RD3: variants seen among roughly 807,000 people sequenced by gnomAD.
RD3 encodes protein RD3.
Under a neutral mutation model 16.9 loss-of-function variants are expected in RD3, and 11 were observed. The ratio of observed to expected loss-of-function variants is 0.65; its 90% CI spans 0.41 to 1.08. The LOEUF is 1.08. Among genes scored for constraint, RD3 ranks in the 50% least tolerant of loss-of-function variants. RD3 has a pLI of 0.00. For missense variants in RD3, 274 were observed against 267.4 expected (o/e 1.02, Z -0.17); for synonymous variants, 116 against 114.8 (o/e 1.01, Z -0.07).
chr1:211,491,486 A>G (rs1265511747), intron 1 of RD3, among the ~76,000 whole-genome samples: 1 of 152,094 alleles, frequency 6.6e-6, no homozygotes, highest in Non-Finnish European at 1.5e-5. Context: ...AGGCAAAAAC[A>G]ATGGCTTCCC....
Position 211,479,164 on chromosome 1 carries a change from T to C in RD3, c.460A>G (p.Lys154Glu). The change falls in exon 3 of 3, where the codon AAG (lysine) becomes GAG (glutamate). Residue 154 changes from lysine to glutamate, a missense_variant. By Grantham distance (56) the Lys-to-Glu change is moderately conservative. Transcript: ENST00000680073. ...AAGGGCGAGATGCGCGCGCGGGTCT[T>C]GAAGGTGGCCAGGCTGCCGCGGGGC... Reference protein sequence around the residue: ...LRPRGSLATFKTRARISPFAS... With the variant: ...LRPRGSLATFETRARISPFAS... 6.2e-7 allele frequency: 1 copy of C among 1,612,946 alleles called. No individual in the cohort carries two copies. Among genetic ancestry groups the C allele is most frequent in the Non-Finnish European group, 8.5e-7 (1 of 1,179,652 alleles).
chr1:211,480,882 C>T (rs1365229699), intron 2 of RD3, among the ~76,000 whole-genome samples: 2 of 152,230 alleles, frequency 1.3e-5, no homozygotes, highest in Non-Finnish European at 2.9e-5. Flanking sequence ...GTATTGTGTT[C>T]TCTTGAATCA....
At chr1:211,488,628 A>G (rs972178784) in intron 1 of RD3, among the ~76,000 whole-genome samples, 2 of 152,138 alleles carry the variant, frequency 1.3e-5, no homozygotes, top group African/African-American at 2.4e-5. Context: ...AAACAAGAAG[A>G]AAAGAAATGA....
chr1:211,489,112 T>C (rs1011611433), intron 1 of RD3, among the ~76,000 whole-genome samples: 4 of 152,208 alleles, frequency 2.6e-5, no homozygotes, highest in Non-Finnish European at 4.4e-5. Flanking sequence ...ATAATAAAGG[T>C]ACCTATTTCA....
chr1:211,483,495 C>T (rs759150515), intron 1 of RD3, among the ~76,000 whole-genome samples: 3 of 151,966 alleles, frequency 2.0e-5, no homozygotes, highest in Non-Finnish European at 4.4e-5. Context: ...TCATTCTCCA[C>T]GCAACCTAAG....
rs1705264418 is a variant in RD3 at position 211,481,475 on chromosome 1, CA to C, written c.-11-50del. 4 of 1,576,654 alleles carry C rather than the reference CA, an allele frequency of 2.5e-6. No homozygotes were observed. The African/African-American group carries it at 4.0e-5, about 16-fold the overall frequency. ...ATCTTTCCTGGGCCCCTCTGTTAGT[CA>C]GAGTGGGGAACCTGGGAACCCAAGG... On this transcript the variant is annotated intron_variant, in intron 1 of 2. Coordinates refer to ENST00000680073, the MANE Select transcript of RD3 (RefSeq NM_001164688.2).
intron 1 of RD3, among the ~76,000 whole-genome samples, chr1:211,487,036 G>C (rs1033139464): frequency 7.9e-5 from 12 of 152,122 alleles, no homozygotes; most frequent in African/African-American, 2.9e-4. Flanking sequence ...CTAAGATATG[G>C]CATTTGGACA....
intron 2 of RD3, 103 bp downstream of exon 2, chr1:211,481,017 T>C (rs1705245890): frequency 1.6e-6 from 2 of 1,223,354 alleles, no homozygotes; most frequent in Non-Finnish European, 2.4e-6. Context: ...AACTAGGTCA[T>C]CCAGGCTCCC....
At position 211,481,380 on chromosome 1, in the gene RD3, G is replaced by A. The variant is rs770825683; in HGVS notation, c.36C>T (p.Ala12=). The A allele has an allele frequency of 1.9e-6, 3 of 1,613,530 alleles. No individual in the cohort carries two copies. Among genetic ancestry groups the A allele is most frequent in the Non-Finnish European group, 2.5e-6 (3 of 1,180,036 alleles). Residue 12 remains alanine, a synonymous_variant, in exon 2 of 3, where the codon GCC becomes GCT. Coordinates refer to ENST00000680073, the MANE Select transcript of RD3 (RefSeq NM_001164688.2). ...GGCTCCTGGTGGACAGCCGGGATGGGGCCTCGTTCCACCGAAGCCATGAGA... is the reference window on the plus strand; with the variant it reads ...GGCTCCTGGTGGACAGCCGGGATGGAGCCTCGTTCCACCGAAGCCATGAGA... The part of the protein sequence containing the change: ...SLISWLRWNE[A]PSRLSTRSPA...
rs759365703 is a variant in RD3, at chr1:211,477,942, C to T, written c.*1094G>A. 2.5e-6 allele frequency: 1 copy of T among 395,070 alleles called. No homozygotes were observed. Among genetic ancestry groups the T allele is most frequent in the Non-Finnish European group, 4.5e-6 (1 of 224,418 alleles). 24.5% of individuals were successfully genotyped at this position (395,070 alleles called of 1,614,324 possible). A position where few individuals can be genotyped will look rare whatever the true frequency, so the allele number is the denominator to read the frequency against. The stretch of plus-strand genomic sequence containing the variant: ...ATCCACACATTGGGTAATCCACATG[C>T]CCATCATCAAGGCCTAACCATGTTA... On this transcript the variant is annotated 3_prime_UTR_variant, in exon 3 of 3. Transcript: ENST00000680073.
At chr1:211,482,311 A>C (rs538904998) in intron 1 of RD3, among the ~76,000 whole-genome samples, 3 of 152,002 alleles carry the variant, frequency 2.0e-5, no homozygotes. Flanking sequence ...CACTGTGTAC[A>C]CATCTGTGGA....
intron 1 of RD3, among the ~76,000 whole-genome samples, chr1:211,482,558 G>A (rs1406287856): frequency 1.3e-5 from 2 of 151,868 alleles, no homozygotes; most frequent in East Asian, 3.9e-4. Context: ...CAGGTGGAGG[G>A]AGGATCCAGC....
intron 1 of RD3, among the ~76,000 whole-genome samples, chr1:211,487,801 A>G (rs1482768413): frequency 6.6e-6 from 1 of 152,204 alleles, no homozygotes; most frequent in Non-Finnish European, 1.5e-5. Flanking sequence ...CGCAGGGCTG[A>G]GTTCTCATCC....
chr1:211,483,491 T>G (rs1425466144), intron 1 of RD3, among the ~76,000 whole-genome samples: 1 of 151,622 alleles, frequency 6.6e-6, no homozygotes, highest in East Asian at 1.9e-4. Flanking sequence ...ACTTTCATTC[T>G]CCACGCAACC....
At position 211,477,851 on chromosome 1, in the gene RD3, T is replaced by A. The variant is rs375492423; in HGVS notation, c.*1185A>T. The A allele has an allele frequency of 8.4e-6, 3 of 356,212 alleles. No individual in the cohort carries two copies. The highest frequency in any genetic ancestry group is 1.5e-5 in the Non-Finnish European group (3 of 200,224). 22.1% of individuals were successfully genotyped at this position (356,212 alleles called of 1,614,324 possible). A position where few individuals can be genotyped will look rare whatever the true frequency, so the allele number is the denominator to read the frequency against. On this transcript the variant is annotated 3_prime_UTR_variant, in exon 3 of 3. Transcript: ENST00000680073. The stretch of plus-strand genomic sequence containing the variant: ...GTAGACACTTCCCCACCCATCCCCC[T>A]TACACCCCACTTCAACCCCAGAGTG...
At position 211,476,575 on chromosome 1, in the gene RD3, G is replaced by A. The variant is rs1409974567; in HGVS notation, c.*2461C>T. On this transcript the variant is annotated 3_prime_UTR_variant, in exon 3 of 3. Transcript: ENST00000680073. ...TGAGGTTTCAATAATAGTAATGGAA[G>A]CAGACCTCATTAGTCCCTTTAACAA... The A allele has an allele frequency of 7.2e-5, 11 of 152,136 alleles. No homozygotes were observed. Among genetic ancestry groups the A allele is most frequent in the Admixed American group, 1.3e-4 (2 of 15,266 alleles). The allele number at this position is 152,136 out of a possible 1,614,324, so 9.4% of individuals were successfully genotyped here. A position where few individuals can be genotyped will look rare whatever the true frequency, so the allele number is the denominator to read the frequency against.
chr1:211,483,142 T>A (rs1268624387), intron 1 of RD3, among the ~76,000 whole-genome samples: 1 of 151,800 alleles, frequency 6.6e-6, no homozygotes, highest in South Asian at 2.1e-4. Flanking sequence ...AATGACCAAC[T>A]CCTTTAGCAA....
chr1:211,484,554 G>A (rs1228252194), intron 1 of RD3, among the ~76,000 whole-genome samples: 1 of 152,180 alleles, frequency 6.6e-6, no homozygotes, highest in Non-Finnish European at 1.5e-5. Context: ...TGCCTCCAGG[G>A]CAAATTGACT....
At chr1:211,488,640 A>G (rs1705424784) in intron 1 of RD3, among the ~76,000 whole-genome samples, 1 of 152,194 alleles carries the variant, frequency 6.6e-6, no homozygotes, top group African/African-American at 2.4e-5. Context: ...AAGAAATGAA[A>G]GCCAGCTAGG....
Sources: gnomAD v4.1 joint callset for allele counts (sites outside exome capture counted in the v4.1 genomes callset) on GRCh38, gnomAD v4.1.1 for gene constraint, MANE v1.5 for transcripts, NCBI Gene and HGNC (gene_info 2026-07-23, HGNC 2026-07-21) for gene names.